The following RARB variants were observed in gnomAD, a reference collection of about 807,000 sequenced individuals.
RARB encodes HBV-activated protein.
RARB carries 17 observed loss-of-function variants against 51.9 expected under a neutral mutation model. The observed-to-expected ratio is 0.33, with a 90% CI of 0.22 to 0.49. RARB has a LOEUF of 0.49. Among genes scored for constraint, RARB ranks in the 20% least tolerant of loss-of-function variants. The pLI is 0.99. For synonymous variants in RARB, 215 were observed against 195.4 expected, an observed-to-expected ratio of 1.10 and a Z score of -0.84; for missense variants, 369 against 550.8, an observed-to-expected ratio of 0.67 and a Z score of 3.30.
At chr3:25,225,664 G>T (rs1702040919) in intron 5 of RARB, among the ~76,000 whole-genome samples, 2 of 152,132 alleles carry the variant, frequency 1.3e-5, no homozygotes, top group African/African-American at 4.8e-5. Context: ...AAGTGAGAGA[G>T]AATTTTACAT....
chr3:24,842,977 T>C (rs1051363761), intron 1 of RARB, among the ~76,000 whole-genome samples: 2 of 152,242 alleles, frequency 1.3e-5, no homozygotes, highest in Non-Finnish European at 2.9e-5. Flanking sequence ...ATCTCACCTT[T>C]GGCCTTTATT....
intron 4 of RARB, among the ~76,000 whole-genome samples, chr3:25,161,113 A>G (rs972923205): frequency 2.0e-5 from 3 of 151,992 alleles, no homozygotes; most frequent in Admixed American, 6.6e-5. Flanking sequence ...CCTGGGTTCA[A>G]GCGATTCTCC....
chr3:25,400,815 A>G (rs938521421), intron 5 of RARB, among the ~76,000 whole-genome samples: 2 of 152,146 alleles, frequency 1.3e-5, no homozygotes, highest in Admixed American at 1.3e-4. Flanking sequence ...GGGATGGAAC[A>G]GCTTGTAACA....
chr3:24,842,633 A>G (rs1332579343), intron 1 of RARB, among the ~76,000 whole-genome samples: 1 of 152,148 alleles, frequency 6.6e-6, no homozygotes, highest in African/African-American at 2.4e-5. Context: ...CGAGGTCACA[A>G]TTTCCTATGA....
chr3:24,917,779 G>A (rs886340118), intron 2 of RARB, among the ~76,000 whole-genome samples: 7 of 152,272 alleles, frequency 4.6e-5, no homozygotes, highest in East Asian at 3.9e-4. Flanking sequence ...TGCCTCCTTC[G>A]GCGTCCTAAA....
chr3:24,832,651 A>ATATATAT (rs1553606277), intron 1 of RARB, among the ~76,000 whole-genome samples: 17 of 136,696 alleles, frequency 1.2e-4, no homozygotes, highest in African/African-American at 1.9e-4. Flanking sequence ...ATATATATAT[A>ATATATAT]ATGTCAATTA....
rs545391013 is a variant in RARB, at chr3:25,244,021, T to C, written c.178+69446T>C. 8.5e-5 allele frequency among the ~76,000 whole-genome samples: 13 copies of C among 152,282 alleles called. No individual in the cohort carries two copies. The South Asian group carries it at 2.7e-3, about 32-fold the overall frequency. On this transcript the variant is annotated intron_variant, in intron 5 of 11. Coordinates refer to the RARB transcript ENST00000383772. ...TTAGTCTGTTCAGGTATTTGACTTCTTCCTGGTTTAGTCTTGGAAAGGTGT... is the reference window on the plus strand; with the variant it reads ...TTAGTCTGTTCAGGTATTTGACTTCCTCCTGGTTTAGTCTTGGAAAGGTGT...
intron 5 of RARB, among the ~76,000 whole-genome samples, chr3:25,267,039 T>A (rs1703143197): frequency 6.6e-6 from 1 of 152,210 alleles, no homozygotes; most frequent in African/African-American, 2.4e-5. Flanking sequence ...CCTTTCTAAA[T>A]GCTCTGTGAT....
chr3:25,384,443 G>C (rs62235648), intron 5 of RARB, among the ~76,000 whole-genome samples: 3,971 of 152,300 alleles, frequency 0.026, 88 homozygotes, highest in South Asian at 0.12. Context: ...CTTGTGTTTA[G>C]AATTATAAAC....
intron 1 of RARB, among the ~76,000 whole-genome samples, chr3:25,460,428 T>TTTATTTATTTATTTA (rs369452418): frequency 4.8e-5 from 7 of 145,582 alleles, no homozygotes; most frequent in African/African-American, 1.3e-4. Context: ...ATTTTAAAAT[T>TTTATTTATTTATTTA]TTTATTTATT....
At chr3:25,164,762 T>C (rs1700533019) in intron 4 of RARB, among the ~76,000 whole-genome samples, 1 of 152,228 alleles carries the variant, frequency 6.6e-6, no homozygotes, top group South Asian at 2.1e-4. Context: ...TAGAAATGGG[T>C]ACGCATACAT....
In RARB at chr3:25,010,028, A is replaced by G. The variant is rs370776162; in HGVS notation, c.-379-50097A>G. On this transcript the variant is annotated intron_variant, in intron 2 of 11. Transcript: ENST00000383772. The stretch of plus-strand genomic sequence containing the variant: ...TTCTGCCAGTCCCAAATGCTGGGTC[A>G]TGACCCTTTGACTGATTGTTTATTA... 2.0e-4 allele frequency among the ~76,000 whole-genome samples: 31 copies of G among 152,272 alleles called. No individual in the cohort carries two copies. In the East Asian group the frequency reaches 5.6e-3, roughly 28 times the overall value.
exon 5 of RARB, chr3:25,174,450 C>T: frequency 1.5e-6 from 2 of 1,352,140 alleles, no homozygotes; most frequent in Non-Finnish European, 2.0e-6. Context: ...GGACACATGA[C>T]TCACTATCCA....
At chr3:24,866,550 A>G (rs1702851846) in intron 2 of RARB, among the ~76,000 whole-genome samples, 1 of 152,026 alleles carries the variant, frequency 6.6e-6, no homozygotes, top group Non-Finnish European at 1.5e-5. Flanking sequence ...GAATGGGAAA[A>G]CTGACCAAAC....
intron 2 of RARB, among the ~76,000 whole-genome samples, chr3:24,907,502 G>T (rs1694892073): frequency 6.6e-6 from 1 of 151,986 alleles, no homozygotes; most frequent in Admixed American, 6.6e-5. Context: ...TATTAAATGT[G>T]GTTAAATGCT....
intron 2 of RARB, among the ~76,000 whole-genome samples, chr3:24,924,611 G>A (rs917231681): frequency 2.6e-5 from 4 of 152,140 alleles, no homozygotes; most frequent in Admixed American, 2.6e-4. Flanking sequence ...TACTCAGTCA[G>A]TATATAAAGC....
intron 5 of RARB, among the ~76,000 whole-genome samples, chr3:25,187,168 G>A (rs1033316340): frequency 2.6e-5 from 4 of 152,004 alleles, no homozygotes; most frequent in African/African-American, 4.8e-5. Context: ...CATGGTGAGA[G>A]GAAGAAGACA....
chr3:25,130,951 T>C (rs200596555), intron 3 of RARB, among the ~76,000 whole-genome samples: 1,592 of 80,398 alleles, frequency 0.02, 14 homozygotes, highest in Non-Finnish European at 0.024. Flanking sequence ...CAATATTTAT[T>C]ATTGATAATA....
chr3:25,465,955 G>T (rs1408880996), intron 2 of RARB, among the ~76,000 whole-genome samples: 1 of 152,146 alleles, frequency 6.6e-6, no homozygotes, highest in Non-Finnish European at 1.5e-5. Flanking sequence ...AGCTTTTGAG[G>T]AATGTGAAGT....
Sources: allele counts gnomAD v4.1 joint callset (sites outside exome capture counted in the v4.1 genomes callset), GRCh38; gene constraint gnomAD v4.1.1; transcripts MANE v1.5; gene names NCBI Gene and HGNC (gene_info 2026-07-23, HGNC 2026-07-21).